The following SP140 variants were observed in gnomAD, a reference collection of about 807,000 sequenced individuals.
SP140 encodes the protein nuclear body protein SP140.
SP140 carries 81 observed loss-of-function variants against 125.0 expected under a neutral mutation model. That is an observed-to-expected ratio of 0.65 (90% CI 0.54 to 0.78). The LOEUF (loss-of-function observed/expected upper bound fraction) is 0.78. Ranked by LOEUF, SP140 falls within the 30% of genes least tolerant of loss-of-function variation. The pLI is 0.00. For missense variants in SP140, 858 were observed against 1,037.0 expected, an observed-to-expected ratio of 0.83 and a Z score of 2.37; for synonymous variants, 312 against 354.0, an observed-to-expected ratio of 0.88 and a Z score of 1.33.
chr2:230,191,412 A>G, the SP140 span, among the ~76,000 whole-genome samples: 2 of 152,316 alleles, frequency 1.3e-5, no homozygotes, highest in South Asian at 4.1e-4. Context: ...GAAGAGAGAG[A>G]AGAATCAAAT....
chr2:230,217,272 CA>C (rs887753618), intron 3 of SP140, among the ~76,000 whole-genome samples: 6 of 138,308 alleles, frequency 4.3e-5, no homozygotes, highest in Non-Finnish European at 6.2e-5. Context: ...AAAATAGAAG[CA>C]AAACCTTGAG....
Position 230,204,345 on chromosome 2 carries a change from G to A in SP140, c.-323+1066G>A, listed in dbSNP as rs376411504. On this transcript the variant is annotated intron_variant, in intron 1 of 4. Transcript: ENST00000456542. ...TCTCCCTAATCCTATAACGTGTAGA[G>A]CATTGTGAGAGTGGGCATCTCACTA... Among the ~76,000 whole-genome samples the A allele has an allele frequency of 1.6e-4, 25 of 152,002 alleles. No individual in the cohort carries two copies. In the East Asian group the frequency reaches 1.7e-3, roughly 11 times the overall value.
chr2:230,236,283 C>T (rs1296081929), intron 1 of SP140, among the ~76,000 whole-genome samples: 1 of 152,178 alleles, frequency 6.6e-6, no homozygotes, highest in Non-Finnish European at 1.5e-5. Flanking sequence ...GATACATCTC[C>T]TTTACATCTC....
chr2:230,200,354 A>G (rs2043074982), upstream of SP140: 1 of 158,490 alleles, frequency 6.3e-6, no homozygotes, highest in Non-Finnish European at 1.4e-5. Context: ...GTGAATTAAC[A>G]TGCACAATTT....
chr2:230,212,691 A>G, intron 1 of SP140: 1 of 1,578,236 alleles, frequency 6.3e-7, no homozygotes, highest in South Asian at 1.1e-5. Context: ...AGATGCTGGG[A>G]TTGGCGGCAA....
upstream of SP140, chr2:230,200,797 A>AT: frequency 9.5e-7 from 1 of 1,052,076 alleles, no homozygotes; most frequent in Non-Finnish European, 1.5e-6. Context: ...GAAAAAAAAA[A>AT]GTTAAGAAAT....
intron 11 of SP140, among the ~76,000 whole-genome samples, chr2:230,253,922 C>G (rs1397705995): frequency 3.3e-5 from 5 of 152,112 alleles, no homozygotes; most frequent in African/African-American, 7.2e-5. Flanking sequence ...AACGGAAGAA[C>G]TTTTCCAACC....
upstream of SP140, among the ~76,000 whole-genome samples, chr2:230,198,593 A>G (rs2042983888): frequency 6.7e-6 from 1 of 149,232 alleles, no homozygotes; most frequent in Admixed American, 6.6e-5. Context: ...ATAAAATGAT[A>G]GAATTTTTTT....
At chr2:230,255,619 C>T in intron 12 of SP140, 87 bp downstream of exon 12, 2 of 1,157,694 alleles carry the variant, frequency 1.7e-6, no homozygotes, top group South Asian at 1.2e-5. Flanking sequence ...ATTGACTTTC[C>T]TCTGCATATA....
chr2:230,196,608 T>C, the SP140 span, among the ~76,000 whole-genome samples: 1 of 152,090 alleles, frequency 6.6e-6, no homozygotes, highest in Admixed American at 6.5e-5. Context: ...TTGTTACATA[T>C]GTATACATGT....
intron 1 of SP140, among the ~76,000 whole-genome samples, chr2:230,210,469 C>T (rs1272544696): frequency 6.6e-6 from 1 of 152,100 alleles, no homozygotes; most frequent in Admixed American, 6.5e-5. Flanking sequence ...AAAAATACAT[C>T]TTATTGCTTT....
intron 22 of SP140, among the ~76,000 whole-genome samples, chr2:230,302,255 G>A (rs577702302): frequency 4.1e-4 from 63 of 151,980 alleles, no homozygotes; most frequent in South Asian, 2.5e-3. Flanking sequence ...TTAGCTGGGC[G>A]TGGTGGCAGG....
At chr2:230,220,487 TG>T (rs2045719172) in intron 3 of SP140, among the ~76,000 whole-genome samples, 1 of 151,998 alleles carries the variant, frequency 6.6e-6, no homozygotes, top group African/African-American at 2.4e-5. Context: ...GAAATTGAAA[TG>T]AAAGGGAACC....
intron 1 of SP140, among the ~76,000 whole-genome samples, chr2:230,205,180 C>T (rs879542789): frequency 4.6e-5 from 7 of 152,162 alleles, no homozygotes; most frequent in Admixed American, 1.3e-4. Flanking sequence ...CAGTTAGTCA[C>T]GGATGACTAA....
At chr2:230,239,270 T>C (rs1470347482) in intron 3 of SP140, among the ~76,000 whole-genome samples, 1 of 152,178 alleles carries the variant, frequency 6.6e-6, no homozygotes, top group African/African-American at 2.4e-5. Context: ...CCACTCTCAG[T>C]CCTGAATGCT....
chr2:230,296,980 C>A (rs374086945), intron 21 of SP140, among the ~76,000 whole-genome samples: 3 of 152,094 alleles, frequency 2.0e-5, no homozygotes, highest in Non-Finnish European at 4.4e-5. Flanking sequence ...AGACTGTTTA[C>A]AAAAATAAAA....
upstream of SP140, among the ~76,000 whole-genome samples, chr2:230,201,640 T>A (rs1452076989): frequency 6.6e-6 from 1 of 152,240 alleles, no homozygotes; most frequent in East Asian, 1.9e-4. Context: ...TTCTATTGCA[T>A]CCTGAAGTAC....
At chr2:230,281,160 G>A (rs2396741) in intron 15 of SP140, among the ~76,000 whole-genome samples, 13,610 of 152,036 alleles carry the variant, frequency 0.09, 814 homozygotes, top group East Asian at 0.12. Flanking sequence ...ATTTAATCAC[G>A]AAAATTTTAA....
intron 1 of SP140, among the ~76,000 whole-genome samples, chr2:230,231,164 G>A (rs1009710468): frequency 6.6e-6 from 1 of 152,110 alleles, no homozygotes; most frequent in African/African-American, 2.4e-5. Flanking sequence ...TGCGTATTGT[G>A]TGCTTTTTTC....
Sources: gnomAD v4.1 joint callset for allele counts (sites outside exome capture counted in the v4.1 genomes callset) on GRCh38, gnomAD v4.1.1 for gene constraint, MANE v1.5 for transcripts, NCBI Gene and HGNC (gene_info 2026-07-23, HGNC 2026-07-21) for gene names.